CNPY1: variants seen among roughly 807,000 people sequenced by gnomAD.
The protein encoded by CNPY1 is protein canopy homolog 1.
In CNPY1, 14 loss-of-function variants were observed where a neutral mutation model predicts 14.4. That is an observed-to-expected ratio of 0.97 (90% CI 0.64 to 1.52). The LOEUF is 1.52. Among genes scored for constraint, CNPY1 ranks in the 40% most tolerant of loss-of-function variants. The pLI is 0.00. For synonymous variants in CNPY1, 43 were observed against 46.5 expected (o/e 0.92, Z 0.31); for missense variants, 129 against 131.5 (o/e 0.98, Z 0.09).
intron 2 of CNPY1, among the ~76,000 whole-genome samples, chr7:155,527,054 C>CTTTCTTTCTTTCTTTCTTTTTTTT (rs56296833): frequency 4.4e-5 from 4 of 90,342 alleles, no homozygotes; most frequent in Admixed American, 1.3e-4. Flanking sequence ...TTCTTTCTTT[C>CTTTCTTTCTTTCTTTCTTTTTTTT]TTTTTTTTTT....
Position 155,517,398 on chromosome 7 carries a change from T to C in CNPY1, c.100-8301A>G, listed in dbSNP as rs375145780. 4.6e-5 allele frequency among the ~76,000 whole-genome samples: 7 copies of C among 152,334 alleles called. No homozygotes were observed. The East Asian group carries it at 1.3e-3, about 29-fold the overall frequency. ...AGAGCCATGCAAGAATGAATTTCCA[T>C]TGTTAGTGGCTCCTGTCTGTGGGAC... On this transcript the variant is annotated intron_variant, in intron 2 of 4. Coordinates refer to ENST00000636446, the MANE Select transcript of CNPY1 (RefSeq NM_001393663.1).
rs568109415 is a variant in CNPY1, at chr7:155,541,180, C to T, written c.99+4651G>A. On this transcript the variant is annotated intron_variant, in intron 2 of 4. Coordinates refer to ENST00000636446, the MANE Select transcript of CNPY1 (RefSeq NM_001393663.1). Reference sequence around the variant, plus strand: ...TCTGAACTCTGGACTTTAGTGAGTGCTCCCCCGCTGAGCCTCCCCGTTCCC... The same window carrying T: ...TCTGAACTCTGGACTTTAGTGAGTGTTCCCCCGCTGAGCCTCCCCGTTCCC... Among the ~76,000 whole-genome samples, 4 of 152,328 alleles carry T rather than the reference C, an allele frequency of 2.6e-5. No homozygotes were observed. In the South Asian group the frequency reaches 8.3e-4, roughly 32 times the overall value.
chr7:155,527,911 G>A (rs960878789), intron 2 of CNPY1, among the ~76,000 whole-genome samples: 4 of 152,336 alleles, frequency 2.6e-5, no homozygotes, highest in African/African-American at 4.8e-5. Context: ...CTCCTGAGGC[G>A]TGGCCCTGGT....
At chr7:155,540,866 C>G (rs545731335) in intron 2 of CNPY1, among the ~76,000 whole-genome samples, 1 of 152,224 alleles carries the variant, frequency 6.6e-6, no homozygotes, top group Non-Finnish European at 1.5e-5. Context: ...GGAGGCCAGC[C>G]TTTCATCACT....
chr7:155,503,331 T>C (rs539284180), intron 4 of CNPY1, among the ~76,000 whole-genome samples: 1 of 152,306 alleles, frequency 6.6e-6, no homozygotes, highest in East Asian at 1.9e-4. Context: ...TCAACACTGC[T>C]GTTCTTGCCC....
At chr7:155,508,494 T>A (rs1796405433) in intron 3 of CNPY1, among the ~76,000 whole-genome samples, 1 of 152,214 alleles carries the variant, frequency 6.6e-6, no homozygotes. Flanking sequence ...AGCCCCTGAT[T>A]CCTTATGTGG....
chr7:155,506,890 C>T (rs1318743310), intron 4 of CNPY1, 130 bp downstream of exon 4: 17 of 652,958 alleles, frequency 2.6e-5, no homozygotes, highest in South Asian at 9.7e-5. Context: ...TCAGCGGAGA[C>T]GGGGGATCCT....
intron 2 of CNPY1, among the ~76,000 whole-genome samples, chr7:155,513,634 T>G (rs1023280034): frequency 6.6e-6 from 1 of 151,422 alleles, no homozygotes; most frequent in Non-Finnish European, 1.5e-5. Context: ...GGTAATAAAA[T>G]AAGAACAATG....
At chr7:155,523,690 C>T (rs1380623738) in intron 2 of CNPY1, among the ~76,000 whole-genome samples, 1 of 152,172 alleles carries the variant, frequency 6.6e-6, no homozygotes, top group Non-Finnish European at 1.5e-5. Flanking sequence ...CCCCAGGATC[C>T]CCCAGTCATA....
At chr7:155,537,205 GAAGA>G (rs1342114083) in intron 2 of CNPY1, among the ~76,000 whole-genome samples, 2 of 152,142 alleles carry the variant, frequency 1.3e-5, no homozygotes, top group Non-Finnish European at 2.9e-5. Context: ...GTTATGGAAA[GAAGA>G]GAGAGTAGCA....
At chr7:155,503,305 C>T (rs1481091277) in intron 4 of CNPY1, among the ~76,000 whole-genome samples, 200 bp from the exon 5 acceptor site, 1 of 151,956 alleles carries the variant, frequency 6.6e-6, no homozygotes, top group Non-Finnish European at 1.5e-5. Context: ...CACCCCAAAC[C>T]CAGCTTCAAC....
chr7:155,531,858 T>TC (rs957221027), intron 2 of CNPY1, among the ~76,000 whole-genome samples: 3 of 151,928 alleles, frequency 2.0e-5, no homozygotes, highest in Admixed American at 2.0e-4. Flanking sequence ...CTTCACCAGT[T>TC]CCCCAGAGCC....
chr7:155,501,794 C>G lies in CNPY1; in HGVS notation c.*1274G>C, dbSNP rs557747306. 6.6e-6 allele frequency: 1 copy of G among 152,274 alleles called. No homozygotes were observed. The highest frequency in any genetic ancestry group is 2.4e-5 in the African/African-American group (1 of 41,550). The allele number at this position is 152,274 out of a possible 1,614,324, so 9.4% of individuals were successfully genotyped here. A position where few individuals can be genotyped will look rare whatever the true frequency, so the allele number is the denominator to read the frequency against. On this transcript the variant is annotated 3_prime_UTR_variant, in exon 5 of 5. Coordinates refer to ENST00000636446, the MANE Select transcript of CNPY1 (RefSeq NM_001393663.1). The stretch of plus-strand genomic sequence containing the variant: ...CACAGACAAGACAAAAAAGAAGCAC[C>G]CAAGTAATTAAGTGACATTAACTCA...
At chr7:155,523,538 G>A (rs917184362) in intron 2 of CNPY1, among the ~76,000 whole-genome samples, 6 of 152,328 alleles carry the variant, frequency 3.9e-5, no homozygotes, top group East Asian at 1.9e-4. Flanking sequence ...AGCAGTGACC[G>A]AACATGAAGA....
At chr7:155,506,900 T>C in intron 4 of CNPY1, 120 bp downstream of exon 4, 1 of 613,866 alleles carries the variant, frequency 1.6e-6, no homozygotes, top group Non-Finnish European at 2.9e-6. Context: ...CGGGGGATCC[T>C]GTGTCAGAGC....
intron 3 of CNPY1, among the ~76,000 whole-genome samples, chr7:155,507,998 T>C (rs1483900824): frequency 2.0e-5 from 3 of 152,260 alleles, no homozygotes; most frequent in Middle Eastern, 3.2e-3. Context: ...TTCATTGTCA[T>C]TCTTATTCTG....
intron 2 of CNPY1, among the ~76,000 whole-genome samples, chr7:155,538,798 C>T (rs1381774057): frequency 6.6e-6 from 1 of 152,214 alleles, no homozygotes; most frequent in Non-Finnish European, 1.5e-5. Flanking sequence ...CTCCTATTCA[C>T]CTCCTGCCCA....
At chr7:155,529,072 G>A (rs1316237465) in intron 2 of CNPY1, among the ~76,000 whole-genome samples, 1 of 128,422 alleles carries the variant, frequency 7.8e-6, no homozygotes, top group Non-Finnish European at 1.7e-5. Flanking sequence ...AAAAAAAAAA[G>A]AAAAGAAAAA....
chr7:155,516,680 G>A (rs1018289093), intron 2 of CNPY1, among the ~76,000 whole-genome samples: 1 of 152,206 alleles, frequency 6.6e-6, no homozygotes, highest in African/African-American at 2.4e-5. Context: ...TCAGCTGACC[G>A]GGAAGCTGGT....
Sources: gnomAD v4.1 joint callset for allele counts (sites outside exome capture counted in the v4.1 genomes callset) on GRCh38, gnomAD v4.1.1 for gene constraint, MANE v1.5 for transcripts, NCBI Gene and HGNC (gene_info 2026-07-23, HGNC 2026-07-21) for gene names.